The following ASAP1 variants were observed in gnomAD, a reference collection of about 807,000 sequenced individuals.
The protein encoded by ASAP1 is arf-GAP with SH3 domain, ANK repeat and PH domain-containing protein 1.
A neutral mutation model predicts 145.2 loss-of-function variants in ASAP1; 43 were observed. The ratio of observed to expected loss-of-function variants is 0.30; its 90% CI spans 0.23 to 0.38. The LOEUF (loss-of-function observed/expected upper bound fraction) is 0.38. Ranked by LOEUF, ASAP1 falls within the 10% of genes least tolerant of loss-of-function variation. The probability of loss-of-function intolerance (pLI) is 1.00; values close to 1 mark genes in which losing one functional copy is unlikely to be tolerated. For missense variants in ASAP1, 1,018 were observed against 1,355.3 expected (o/e 0.75, Z 3.91); for synonymous variants, 546 against 515.5 (o/e 1.06, Z -0.80).
Position 130,438,838 on chromosome 8 carries a change from G to A in ASAP1, c.-28+4622C>T, listed in dbSNP as rs565140194. ...CCCACAAGTGCATCACTACAGCCAC[G>A]GTAAGATGTCCCTGACCCTCTCTTC... On this transcript the variant is annotated intron_variant, in intron 1 of 29. Transcript: ENST00000518721. 4.6e-5 allele frequency among the ~76,000 whole-genome samples: 7 copies of A among 152,232 alleles called. 1 individual carries two copies. Among genetic ancestry groups the A allele is most frequent in the African/African-American group, 1.7e-4 (7 of 41,538 alleles).
intron 9 of ASAP1, among the ~76,000 whole-genome samples, chr8:130,176,099 C>T (rs1813932016): frequency 6.6e-6 from 1 of 152,124 alleles, no homozygotes; most frequent in African/African-American, 2.4e-5. Context: ...GAGTTGGAAA[C>T]AGTTAAAAGC....
chr8:130,335,794 T>A (rs1327215362), intron 3 of ASAP1, among the ~76,000 whole-genome samples: 1 of 152,206 alleles, frequency 6.6e-6, no homozygotes. Context: ...GAGAAAATCC[T>A]GTGAACACAA....
At chr8:130,305,508 C>T (rs952068300) in intron 3 of ASAP1, among the ~76,000 whole-genome samples, 16 of 152,058 alleles carry the variant, frequency 1.1e-4, no homozygotes, top group South Asian at 2.1e-4. Flanking sequence ...GGATTACAGG[C>T]GCCCACCACC....
Position 130,085,735 on chromosome 8 carries a change from T to TAAAAAAAAA in ASAP1, c.2573-5765_2573-5764insTTTTTTTTT, listed in dbSNP as rs376786284. Among the ~76,000 whole-genome samples, 4 of 125,298 alleles carry TAAAAAAAAA rather than the reference T, an allele frequency of 3.2e-5. 1 individual carries two copies. Among genetic ancestry groups the TAAAAAAAAA allele is most frequent in the Non-Finnish European group, 3.3e-5 (2 of 61,124 alleles). The allele number at this position is 125,298 out of a possible 152,430, so 82.2% of individuals were successfully genotyped here. A position where few individuals can be genotyped will look rare whatever the true frequency, so the allele number is the denominator to read the frequency against. On this transcript the variant is annotated intron_variant, in intron 25 of 29. Transcript: ENST00000518721. ...AAGCGACAGAACAAGACGTTGTCTT[T>TAAAAAAAAA]AAGAAAAAAAAAAAAAAAAAGGAAA...
intron 2 of ASAP1, among the ~76,000 whole-genome samples, chr8:130,370,281 G>A (rs1827152731): frequency 6.6e-6 from 1 of 152,102 alleles, no homozygotes; most frequent in Non-Finnish European, 1.5e-5. Flanking sequence ...CAGCCTGGGG[G>A]GTGACAGAGC....
At chr8:130,157,217 C>T (rs1039071220) in intron 12 of ASAP1, among the ~76,000 whole-genome samples, 1 of 152,146 alleles carries the variant, frequency 6.6e-6, no homozygotes, top group Non-Finnish European at 1.5e-5. Flanking sequence ...ATTTGGTCAC[C>T]ATTCTAGAGC....
intron 16 of ASAP1, 116 bp from the exon 17 acceptor site, chr8:130,126,205 T>A: frequency 1.0e-6 from 1 of 976,970 alleles, no homozygotes; most frequent in Non-Finnish European, 1.4e-6. Context: ...AGAAAAGACT[T>A]AAATGGAAGA....
At chr8:130,437,445 GAGA>G (rs1376630623) in intron 1 of ASAP1, among the ~76,000 whole-genome samples, 1 of 152,204 alleles carries the variant, frequency 6.6e-6, no homozygotes, top group Non-Finnish European at 1.5e-5. Context: ...CAGTGCAAAA[GAGA>G]AGGACAGGTG....
intron 27 of ASAP1, among the ~76,000 whole-genome samples, chr8:130,068,590 A>G (rs573565013): frequency 1.3e-5 from 2 of 152,272 alleles, no homozygotes; most frequent in African/African-American, 4.8e-5. Flanking sequence ...GATTGATGGG[A>G]CCCACAGCTC....
chr8:130,280,475 G>A (rs534104199), intron 3 of ASAP1, among the ~76,000 whole-genome samples: 1 of 152,378 alleles, frequency 6.6e-6, no homozygotes, highest in Admixed American at 6.5e-5. Flanking sequence ...TTGACACACA[G>A]TCTGCCACAG....
Position 130,386,255 on chromosome 8 carries a change from T to G in ASAP1, c.59+15630A>C, listed in dbSNP as rs138351225. 4.1e-3 allele frequency among the ~76,000 whole-genome samples: 620 copies of G among 152,246 alleles called. 2 individuals are homozygous for G. Among genetic ancestry groups the G allele is most frequent in the African/African-American group, 0.015 (604 of 41,558 alleles). On this transcript the variant is annotated intron_variant, in intron 2 of 29. Coordinates refer to ENST00000518721, the MANE Select transcript of ASAP1 (RefSeq NM_018482.4). Reference sequence around the variant, plus strand: ...AGACCAAATCTAGGAATCCAGTCATTTCTGGGGCCAGGTTTTACCCCTGGA... The same window carrying G: ...AGACCAAATCTAGGAATCCAGTCATGTCTGGGGCCAGGTTTTACCCCTGGA...
rs1292814615 is a variant in ASAP1 at position 130,358,819 on chromosome 8, C to G, written c.60-676G>C. Among the ~76,000 whole-genome samples the G allele has an allele frequency of 4.0e-5, 6 of 151,078 alleles. 1 individual carries two copies. The highest frequency in any genetic ancestry group is 1.5e-4 in the African/African-American group (6 of 41,162). ...AAGCTGCCGCTCCCGACCCCGGCTGCGCGGCACGGGGGCTCCGGAAGCCCG... is the reference window on the plus strand; with the variant it reads ...AAGCTGCCGCTCCCGACCCCGGCTGGGCGGCACGGGGGCTCCGGAAGCCCG... On this transcript the variant is annotated intron_variant, in intron 2 of 29. Transcript: ENST00000518721. The surrounding 1 kb of genome is among the most constrained non-coding windows in gnomAD (Gnocchi z 4.1).
chr8:130,246,026 T>C (rs1818827831), intron 3 of ASAP1, among the ~76,000 whole-genome samples: 1 of 152,020 alleles, frequency 6.6e-6, no homozygotes, highest in African/African-American at 2.4e-5. Context: ...ATGAAATCAT[T>C]TTATAATCAT....
chr8:130,397,857 G>A (rs1398896653), intron 2 of ASAP1, among the ~76,000 whole-genome samples: 1 of 152,208 alleles, frequency 6.6e-6, no homozygotes, highest in Non-Finnish European at 1.5e-5. Context: ...AATCTGAATG[G>A]TATTTACCTC....
At chr8:130,143,328 T>C (rs1490566124) in intron 13 of ASAP1, among the ~76,000 whole-genome samples, 1 of 151,278 alleles carries the variant, frequency 6.6e-6, no homozygotes, top group Non-Finnish European at 1.5e-5. Context: ...AACCAAACAT[T>C]AGTTGTTGGA....
chr8:130,173,942 G>A (rs1244984118), intron 9 of ASAP1, among the ~76,000 whole-genome samples: 3 of 151,434 alleles, frequency 2.0e-5, no homozygotes, highest in Non-Finnish European at 2.9e-5. Flanking sequence ...TTAGCTTGGC[G>A]TGGCAGCATG....
chr8:130,343,029 C>T (rs1458870659), intron 3 of ASAP1, among the ~76,000 whole-genome samples: 1 of 152,184 alleles, frequency 6.6e-6, no homozygotes, highest in Non-Finnish European at 1.5e-5. Context: ...GAGAAATGTC[C>T]TGTGACTTAG....
chr8:130,210,832 C>T (rs542265979), intron 5 of ASAP1, among the ~76,000 whole-genome samples: 2 of 152,280 alleles, frequency 1.3e-5, no homozygotes, highest in Admixed American at 6.5e-5. Flanking sequence ...TGTCTTTACA[C>T]TGAGTTACCT....
At chr8:130,170,809 C>T (rs948258081) in intron 9 of ASAP1, among the ~76,000 whole-genome samples, 5 of 152,106 alleles carry the variant, frequency 3.3e-5, no homozygotes, top group Non-Finnish European at 7.4e-5. Flanking sequence ...GCCTAGACTT[C>T]CTGGGCTCAA....
Sources: allele counts gnomAD v4.1 joint callset (sites outside exome capture counted in the v4.1 genomes callset), GRCh38; gene constraint gnomAD v4.1.1; non-coding constraint Gnocchi (gnomAD v3.1); transcripts MANE v1.5; gene names NCBI Gene and HGNC (gene_info 2026-07-23, HGNC 2026-07-21).